ENPP7: variants seen among roughly 807,000 people sequenced by gnomAD.
ENPP7 encodes the protein ectonucleotide pyrophosphatase/phosphodiesterase family member 7.
Under a neutral mutation model 33.6 loss-of-function variants are expected in ENPP7, and 39 were observed. The observed-to-expected ratio is 1.16, with a 90% confidence interval of 0.90 to 1.52. ENPP7 has a LOEUF of 1.52. Ranked by LOEUF, ENPP7 falls within the 40% of genes most tolerant of loss-of-function variation. ENPP7 has a pLI of 0.00. For missense variants in ENPP7, 594 were observed against 641.0 expected (o/e 0.93, Z 0.79); for synonymous variants, 244 against 274.3 (o/e 0.89, Z 1.09).
intron 1 of ENPP7, among the ~76,000 whole-genome samples, 182 bp downstream of exon 1, chr17:79,731,574 G>GA (rs1423799362): frequency 2.7e-5 from 2 of 74,446 alleles, no homozygotes; most frequent in Non-Finnish European, 6.0e-5. Context: ...AAAATGACCA[G>GA]GGGGGTCCTT....
chr17:79,738,897 C>G lies in ENPP7; in HGVS notation c.*16+835C>G, dbSNP rs2094300847. On this transcript the variant is annotated intron_variant, in intron 5 of 5. Coordinates refer to ENST00000328313, the MANE Select transcript of ENPP7 (RefSeq NM_178543.5). This position sits in a 1 kb window ranked among gnomAD's most constrained non-coding sequence, Gnocchi z 6.2. The stretch of plus-strand genomic sequence containing the variant: ...AGCCAGCTCCATGCCACGCTCTGGT[C>G]TGGGCTCAGGATATGCAGCGAACAA... 6.6e-6 allele frequency: 1 copy of G among 152,262 alleles called. No homozygotes were observed. The highest frequency in any genetic ancestry group is 6.5e-5 in the Admixed American group (1 of 15,282). The allele number at this position is 152,262 out of a possible 1,614,324, so 9.4% of individuals were successfully genotyped here. A position where few individuals can be genotyped will look rare whatever the true frequency, so the allele number is the denominator to read the frequency against.
In ENPP7 at chr17:79,735,033, T is replaced by C. The variant is rs782761566; in HGVS notation, c.400-10T>C. On this transcript the variant is annotated splice_polypyrimidine_tract_variant and intron_variant, in intron 2 of 5. Transcript: ENST00000328313. This position sits in a 1 kb window ranked among gnomAD's most constrained non-coding sequence, Gnocchi z 5.5. ...AGGAGTCCTGTCTTTCACGCTGCCT[T>C]GTCTGGCAGGGCCTGAGGGCTGGCT... 3.7e-5 allele frequency: 59 copies of C among 1,611,386 alleles called. No homozygotes were observed. In the East Asian group the frequency reaches 1.1e-3, roughly 29 times the overall value.
chr17:79,742,027 C>A lies in ENPP7; in HGVS notation c.*250C>A. ...AACCGGCCCCCTGCCCCTGCCCCTG[C>A]TCCTGCTCCTCCCCTTCGGGCCCCC... On this transcript the variant is annotated 3_prime_UTR_variant, in exon 6 of 6. Transcript: ENST00000328313. 1 of 755,596 alleles carries A rather than the reference C, an allele frequency of 1.3e-6. No homozygotes were observed. The highest frequency in any genetic ancestry group is 1.6e-6 in the Non-Finnish European group (1 of 618,076). The allele number at this position is 755,596 out of a possible 1,614,324, so 46.8% of individuals were successfully genotyped here.
Position 79,733,488 on chromosome 17 carries a change from T to C in ENPP7, c.254-20T>C. On this transcript the variant is annotated intron_variant, in intron 1 of 5. Transcript: ENST00000328313. Reference sequence around the variant, plus strand: ...GACCCCGGTCCATCCCGCCGCCCTCTGCACCTCTTCCTCCCTCAGGCAAAT... The same window carrying C: ...GACCCCGGTCCATCCCGCCGCCCTCCGCACCTCTTCCTCCCTCAGGCAAAT... 1.2e-6 allele frequency: 2 copies of C among 1,611,044 alleles called. No individual in the cohort carries two copies. The highest frequency in any genetic ancestry group is 1.7e-6 in the Non-Finnish European group (2 of 1,178,634).
rs1199188272 is a variant in ENPP7 at position 79,739,782 on chromosome 17, G to A, written c.*16+1720G>A. Among the ~76,000 whole-genome samples, 2 of 152,216 alleles carry A rather than the reference G, an allele frequency of 1.3e-5. No homozygotes were observed. The highest frequency in any genetic ancestry group is 4.8e-5 in the African/African-American group (2 of 41,460). ...TGAGACTTGTCAACACAAGCTATGG[G>A]ACTCAATGAAAGCCCCCAGCCAGAA... is the stretch of plus-strand genomic sequence containing the variant. On this transcript the variant is annotated intron_variant, in intron 5 of 5. Coordinates refer to ENST00000328313, the MANE Select transcript of ENPP7 (RefSeq NM_178543.5). This position sits in a 1 kb window ranked among gnomAD's most constrained non-coding sequence, Gnocchi z 4.4.
chr17:79,741,333 T>C (rs1905507231), intron 5 of ENPP7, among the ~76,000 whole-genome samples: 1 of 152,234 alleles, frequency 6.6e-6, no homozygotes. Context: ...TGAAAGTACA[T>C]GTGGCCAGTT....
At chr17:79,734,140 AC>A (rs1229698754) in intron 2 of ENPP7, among the ~76,000 whole-genome samples, 3 of 129,408 alleles carry the variant, frequency 2.3e-5, no homozygotes, top group African/African-American at 8.5e-5. Context: ...TGACCCAGGA[AC>A]CCCCCCACCC....
At chr17:79,734,279 G>A (rs1193453933) in intron 2 of ENPP7, among the ~76,000 whole-genome samples, 1 of 152,004 alleles carries the variant, frequency 6.6e-6, no homozygotes, top group African/African-American at 2.4e-5. Flanking sequence ...CCAGAGCCAA[G>A]TTATCCACTC....
chr17:79,738,146 C>T lies in ENPP7; in HGVS notation c.*16+84C>T. The stretch of plus-strand genomic sequence containing the variant: ...CTGATGTCCCAGCTACAGTCCTAGG[C>T]AACCAGAACAGAGCTGCCAGGCCCC... On this transcript the variant is annotated intron_variant, in intron 5 of 5. Transcript: ENST00000328313. The surrounding 1 kb of genome is among the most constrained non-coding windows in gnomAD (Gnocchi z 6.2). The T allele has an allele frequency of 7.0e-7, 1 of 1,433,350 alleles. No individual in the cohort carries two copies. Among genetic ancestry groups the T allele is most frequent in the South Asian group, 1.2e-5 (1 of 81,874 alleles). 88.8% of individuals were successfully genotyped at this position (1,433,350 alleles called of 1,614,324 possible).
chr17:79,738,180 G>A lies in ENPP7; in HGVS notation c.*16+118G>A. ...CAGAGCTGCCAGGCCCCGCCAAGCA[G>A]GTGACTCCCACTGACCTGGCTGCCC... On this transcript the variant is annotated intron_variant, in intron 5 of 5. Transcript: ENST00000328313. This position sits in a 1 kb window ranked among gnomAD's most constrained non-coding sequence, Gnocchi z 6.2. 1 of 1,076,344 alleles carries A rather than the reference G, an allele frequency of 9.3e-7. No individual in the cohort carries two copies. Among genetic ancestry groups the A allele is most frequent in the Admixed American group, 2.1e-5 (1 of 46,674 alleles). 66.7% of individuals were successfully genotyped at this position (1,076,344 alleles called of 1,614,324 possible).
Position 79,731,060 on chromosome 17 carries a change from G to T in ENPP7, c.-80G>T. On this transcript the variant is annotated 5_prime_UTR_variant, in exon 1 of 6. Transcript: ENST00000328313. ...AAGGCGCACGGGATGAGATCAGCCC[G>T]GGTGACCCTGGGACTTTGTCCTCCT... is the stretch of plus-strand genomic sequence containing the variant. The T allele has an allele frequency of 6.9e-7, 1 of 1,448,346 alleles. No individual in the cohort carries two copies. 89.7% of individuals were successfully genotyped at this position (1,448,346 alleles called of 1,614,324 possible). A position where few individuals can be genotyped will look rare whatever the true frequency, so the allele number is the denominator to read the frequency against.
chr17:79,741,631 C>T (rs1340357514), intron 5 of ENPP7, among the ~76,000 whole-genome samples, 163 bp from the exon 6 acceptor site: 1 of 151,328 alleles, frequency 6.6e-6, no homozygotes, highest in Non-Finnish European at 1.5e-5. Flanking sequence ...GGGCCGCCCC[C>T]TTCCACTGCC....
intron 1 of ENPP7, among the ~76,000 whole-genome samples, chr17:79,732,656 C>G (rs2094288666): frequency 6.6e-6 from 1 of 152,222 alleles, no homozygotes; most frequent in South Asian, 2.1e-4. Flanking sequence ...GGGCCTTTCC[C>G]CTGTGTGTGT....
chr17:79,736,165 A>G (rs2094295357), intron 3 of ENPP7, among the ~76,000 whole-genome samples: 1 of 152,154 alleles, frequency 6.6e-6, no homozygotes, highest in African/African-American at 2.4e-5. Flanking sequence ...TCAGCCTCCC[A>G]AAGTTATGGG....
At position 79,731,329 on chromosome 17, in the gene ENPP7, G is replaced by C. The variant is rs79341541; in HGVS notation, c.190G>C (p.Ala64Pro). ...LDAMARDGVK[A>P]RYMTPAFVTM... ...CGCCATGGCCCGAGACGGGGTGAAG[G>C]CACGCTACATGACCCCCGCCTTTGT... The change falls in exon 1 of 6, where the codon GCA (alanine) becomes CCA (proline). Residue 64 changes from alanine (A) to proline (P), a missense_variant. Ala to Pro is a conservative substitution (Grantham distance 27, BLOSUM62 -1). Coordinates refer to ENST00000328313, the MANE Select transcript of ENPP7 (RefSeq NM_178543.5). 6.2e-7 allele frequency: 1 copy of C among 1,613,694 alleles called. No individual in the cohort carries two copies. Among genetic ancestry groups the C allele is most frequent in the African/African-American group, 1.3e-5 (1 of 75,038 alleles).
Position 79,737,103 on chromosome 17 carries a change from G to C in ENPP7, c.1089G>C (p.Lys363Asn), listed in dbSNP as rs534598562. The part of the protein sequence containing the change: ...HGFDNKDMDM[K>N]TIFRAVGPSF... ...TTGACAACAAGGACATGGACATGAA[G>C]ACCATCTTCCGCGCTGTGGGCCCTA... Residue 363 changes from lysine to asparagine, a missense_variant, in exon 4 of 6, where the codon AAG (lysine) becomes AAC (asparagine). Around this residue, in one of 3 missense-constraint regions of ENPP7, gnomAD observed 504 missense variants for 512.8 expected, o/e 0.98. Transcript: ENST00000328313. This position sits in a 1 kb window ranked among gnomAD's most constrained non-coding sequence, Gnocchi z 5.5. 2 of 1,614,200 alleles carry C rather than the reference G, an allele frequency of 1.2e-6. No homozygotes were observed. Among genetic ancestry groups the C allele is most frequent in the African/African-American group, 2.7e-5 (2 of 75,064 alleles).
chr17:79,731,902 T>C (rs2094286147), intron 1 of ENPP7, among the ~76,000 whole-genome samples: 1 of 151,838 alleles, frequency 6.6e-6, no homozygotes, highest in Non-Finnish European at 1.5e-5. Context: ...GTTCGAGACC[T>C]GCCTGGCCAA....
intron 3 of ENPP7, among the ~76,000 whole-genome samples, chr17:79,736,536 CGTGTGTGTGTGTGTGTGTGTGT>C (rs58744239): frequency 2.1e-5 from 3 of 146,010 alleles, no homozygotes; most frequent in Admixed American, 2.0e-4. Context: ...GTGTGATAGG[CGTGTGTGTGTGTGTGTGTGTGT>C]GTGTGTGTGT....
Position 79,740,330 on chromosome 17 carries a change from C to T in ENPP7, c.*17-1464C>T, listed in dbSNP as rs76933149. On this transcript the variant is annotated intron_variant, in intron 5 of 5. Coordinates refer to ENST00000328313, the MANE Select transcript of ENPP7 (RefSeq NM_178543.5). ...AAGGGGACCAGAGGACCCTTCAGCC[C>T]GAACCCCTCAGGCAGACGAGGATGC... 4.6e-5 allele frequency among the ~76,000 whole-genome samples: 7 copies of T among 152,256 alleles called. No individual in the cohort carries two copies. The South Asian group carries it at 1.0e-3, about 23-fold the overall frequency.
Sources: allele counts gnomAD v4.1 joint callset (sites outside exome capture counted in the v4.1 genomes callset), GRCh38; gene constraint gnomAD v4.1.1; regional missense constraint gnomAD v4.1.1; non-coding constraint Gnocchi (gnomAD v3.1); transcripts MANE v1.5; gene names NCBI Gene and HGNC (gene_info 2026-07-23, HGNC 2026-07-21).